The following CSMD3 variants were observed in gnomAD, a reference collection of about 807,000 sequenced individuals.
CSMD3 encodes CUB and sushi domain-containing protein 3.
CSMD3 carries 177 observed loss-of-function variants against 435.2 expected under a neutral mutation model. The observed-to-expected ratio is 0.41, with a 90% CI of 0.36 to 0.46. The LOEUF (loss-of-function observed/expected upper bound fraction) is 0.46. Among genes scored for constraint, CSMD3 ranks in the 20% least tolerant of loss-of-function variants. The pLI is 0.34. For synonymous variants in CSMD3, 1,656 were observed against 1,520.5 expected (o/e 1.09, Z -2.07); for missense variants, 4,265 against 4,504.6 (o/e 0.95, Z 1.52).
chr8:113,098,673 T>TA (rs1444100828), intron 5 of CSMD3, 83 bp downstream of exon 5: 8 of 939,628 alleles, frequency 8.5e-6, no homozygotes, highest in Non-Finnish European at 1.4e-5. Flanking sequence ...TCCAAACCTG[T>TA]AAAAGTCCAC....
At chr8:112,585,641 A>G (rs959380780) in intron 23 of CSMD3, among the ~76,000 whole-genome samples, 5 of 151,710 alleles carry the variant, frequency 3.3e-5, no homozygotes, top group African/African-American at 1.2e-4. Context: ...ATGAATTTTA[A>G]GCATCACAAA....
chr8:113,391,040 G>A (rs540055655), intron 1 of CSMD3, among the ~76,000 whole-genome samples: 1 of 152,082 alleles, frequency 6.6e-6, no homozygotes, highest in South Asian at 2.1e-4. Context: ...CAAGGCACTG[G>A]AGAAATAGAA....
chr8:112,348,021 G>A (rs1825820985), intron 40 of CSMD3, among the ~76,000 whole-genome samples: 1 of 152,088 alleles, frequency 6.6e-6, no homozygotes, highest in African/African-American at 2.4e-5. Context: ...ACCTTTCAGG[G>A]TGAAAAATAC....
intron 3 of CSMD3, among the ~76,000 whole-genome samples, chr8:113,207,814 CAAAAG>C (rs1435872457): frequency 6.6e-6 from 1 of 152,024 alleles, no homozygotes; most frequent in Non-Finnish European, 1.5e-5. Flanking sequence ...AGATAAACAA[CAAAAG>C]AAAACAAGTA....
Position 112,745,921 on chromosome 8 carries a change from A to AT in CSMD3, c.1972+54240dup, listed in dbSNP as rs981399859. Among the ~76,000 whole-genome samples the AT allele has an allele frequency of 2.6e-5, 4 of 151,842 alleles. No homozygotes were observed. The South Asian group carries it at 8.3e-4, about 32-fold the overall frequency. On this transcript the variant is annotated intron_variant, in intron 13 of 70. Coordinates refer to ENST00000297405, the MANE Select transcript of CSMD3 (RefSeq NM_198123.2). Reference sequence around the variant, plus strand: ...TAAGAACTAAAGAAACATTTTGCTAATTTTTTTTCTTAATACAGGTAATTA... The same window carrying AT: ...TAAGAACTAAAGAAACATTTTGCTAATTTTTTTTTCTTAATACAGGTAATTA...
intron 24 of CSMD3, among the ~76,000 whole-genome samples, chr8:112,571,271 T>G (rs1829491627): frequency 6.6e-6 from 1 of 152,112 alleles, no homozygotes; most frequent in Admixed American, 6.5e-5. Context: ...CCTCCCAAAG[T>G]GCTGGGATTA....
chr8:112,707,707 G>GA (rs1252589166), intron 13 of CSMD3, among the ~76,000 whole-genome samples: 2 of 151,986 alleles, frequency 1.3e-5, no homozygotes, highest in Non-Finnish European at 2.9e-5. Flanking sequence ...GTGTGTCCAG[G>GA]AAAAATTTAT....
chr8:113,266,404 A>G (rs1219412278), intron 3 of CSMD3, among the ~76,000 whole-genome samples: 2 of 151,194 alleles, frequency 1.3e-5, no homozygotes, highest in African/African-American at 4.8e-5. Flanking sequence ...TGTTTAAGCA[A>G]TGTTTTTTGT....
At chr8:112,639,939 C>G (rs568611288) in intron 20 of CSMD3, among the ~76,000 whole-genome samples, 6 of 152,040 alleles carry the variant, frequency 3.9e-5, no homozygotes, top group Admixed American at 6.6e-5. Context: ...GGGTATGTAT[C>G]TAGGAATGGA....
chr8:112,836,539 A>C (rs2080029255), intron 11 of CSMD3, among the ~76,000 whole-genome samples: 1 of 151,788 alleles, frequency 6.6e-6, no homozygotes, highest in Non-Finnish European at 1.5e-5. Context: ...CAATTTGCTG[A>C]GAGGCTTTTG....
chr8:112,401,316 C>T (rs1031292093), intron 35 of CSMD3, among the ~76,000 whole-genome samples: 4 of 152,014 alleles, frequency 2.6e-5, no homozygotes, highest in Non-Finnish European at 5.9e-5. Context: ...TCTTCGCTTG[C>T]TATTTTGCTA....
chr8:113,208,484 C>T (rs183367096), intron 3 of CSMD3, among the ~76,000 whole-genome samples: 28 of 152,142 alleles, frequency 1.8e-4, no homozygotes, highest in African/African-American at 6.5e-4. Context: ...ACATAATAAC[C>T]AATTAATAAA....
At chr8:112,639,097 C>A (rs2074745474) in intron 20 of CSMD3, among the ~76,000 whole-genome samples, 186 bp from the exon 21 acceptor site, 2 of 151,688 alleles carry the variant, frequency 1.3e-5, no homozygotes, top group Admixed American at 1.3e-4. Context: ...CCTTCAGGTT[C>A]ATTATAAGAG....
chr8:112,231,462 C>T, intron 69 of CSMD3, 83 bp downstream of exon 69: 1 of 868,432 alleles, frequency 1.2e-6, no homozygotes, highest in Non-Finnish European at 2.0e-6. Context: ...GTAAGTGTAC[C>T]TAATGTACAG....
intron 1 of CSMD3, among the ~76,000 whole-genome samples, chr8:113,355,770 G>GGTGGGTGT (rs1554618986): frequency 1.9e-4 from 2 of 10,374 alleles, no homozygotes; most frequent in Non-Finnish European, 4.1e-4. Context: ...ACACACACGG[G>GGTGGGTGT]GTGTGTGTGT....
intron 31 of CSMD3, among the ~76,000 whole-genome samples, chr8:112,492,097 A>C (rs1455655253): frequency 2.0e-5 from 3 of 152,174 alleles, no homozygotes; most frequent in Admixed American, 1.3e-4. Context: ...AATAATATTT[A>C]AATTATTAAA....
At chr8:112,541,286 A>G (rs1476985021) in intron 27 of CSMD3, among the ~76,000 whole-genome samples, 1 of 151,880 alleles carries the variant, frequency 6.6e-6, no homozygotes, top group Admixed American at 6.6e-5. Flanking sequence ...AAGAAAATAT[A>G]AAAACATAAT....
intron 61 of CSMD3, among the ~76,000 whole-genome samples, chr8:112,259,082 C>T (rs567953508): frequency 1.3e-5 from 2 of 152,094 alleles, no homozygotes; most frequent in East Asian, 3.9e-4. Flanking sequence ...ACCCAGCAAT[C>T]CCATTACTGG....
At chr8:112,680,118 G>T (rs2075855539) in intron 16 of CSMD3, among the ~76,000 whole-genome samples, 1 of 152,168 alleles carries the variant, frequency 6.6e-6, no homozygotes, top group Non-Finnish European at 1.5e-5. Flanking sequence ...ACTTTGGGAG[G>T]CCGAGGCAGG....
Sources: allele counts gnomAD v4.1 joint callset (sites outside exome capture counted in the v4.1 genomes callset), GRCh38; gene constraint gnomAD v4.1.1; transcripts MANE v1.5; gene names NCBI Gene and HGNC (gene_info 2026-07-23, HGNC 2026-07-21).